Variants in TSPAN5 observed in about 807,000 individuals in gnomAD.
TSPAN5 encodes the protein tetraspanin 5.
A neutral mutation model predicts 37.1 loss-of-function variants in TSPAN5; 10 were observed. The ratio of observed to expected loss-of-function variants is 0.27; its 90% CI spans 0.17 to 0.46. The LOEUF (loss-of-function observed/expected upper bound fraction) is 0.46, where lower values mean the gene tolerates loss of function less well. Among genes scored for constraint, TSPAN5 ranks in the 20% least tolerant of loss-of-function variants. TSPAN5 has a pLI of 1.00. For synonymous variants in TSPAN5, 110 were observed against 118.9 expected (o/e 0.93, Z 0.48); for missense variants, 195 against 326.6 (o/e 0.60, Z 3.11).
chr4:98,595,742 G>A (rs1208219396), intron 1 of TSPAN5, among the ~76,000 whole-genome samples: 9 of 95,906 alleles, frequency 9.4e-5, no homozygotes, highest in Middle Eastern at 4.8e-3. Context: ...GTAGTTGAGC[G>A]GCTTTGAGTG....
At chr4:98,613,136 C>CTTT (rs11308204) in intron 1 of TSPAN5, among the ~76,000 whole-genome samples, 7 of 143,422 alleles carry the variant, frequency 4.9e-5, no homozygotes, top group African/African-American at 1.3e-4. Flanking sequence ...AGGGCAAAAC[C>CTTT]TTTTTTTTTT....
intron 1 of TSPAN5, among the ~76,000 whole-genome samples, chr4:98,579,549 A>G (rs1755323679): frequency 6.6e-6 from 1 of 152,180 alleles, no homozygotes; most frequent in Admixed American, 6.5e-5. Context: ...AAGTTTGACT[A>G]TTTTTTAACC....
rs181665699 is a variant in TSPAN5, at chr4:98,518,797, G to A, written c.82-11069C>T. Among the ~76,000 whole-genome samples, 579 of 152,306 alleles carry A rather than the reference G, an allele frequency of 3.8e-3. 1 individual carries two copies. The highest frequency in any genetic ancestry group is 6.9e-3 in the Non-Finnish European group (469 of 68,028). On this transcript the variant is annotated intron_variant, in intron 1 of 7. Transcript: ENST00000305798. Reference sequence around the variant, plus strand: ...ACTACATCAGAAACTCTGGGGGCAGGGCCCAGCAAGTTCTGTCTTCTTAAC... The same window carrying A: ...ACTACATCAGAAACTCTGGGGGCAGAGCCCAGCAAGTTCTGTCTTCTTAAC...
intron 1 of TSPAN5, among the ~76,000 whole-genome samples, chr4:98,591,683 AAAT>A (rs1755634927): frequency 8.0e-6 from 1 of 125,338 alleles, no homozygotes; most frequent in African/African-American, 3.1e-5. Context: ...GGGGTAAATA[AAAT>A]AATTATTAAC....
At chr4:98,592,428 G>GTTTTTTTTTTT (rs35941064) in intron 1 of TSPAN5, among the ~76,000 whole-genome samples, 2 of 119,102 alleles carry the variant, frequency 1.7e-5, no homozygotes, top group African/African-American at 3.2e-5. Flanking sequence ...TCTGTTTTTT[G>GTTTTTTTTTTT]TTTTTTTTTT....
chr4:98,563,586 C>T (rs1754924813), intron 1 of TSPAN5, among the ~76,000 whole-genome samples: 1 of 152,170 alleles, frequency 6.6e-6, no homozygotes, highest in South Asian at 2.1e-4. Context: ...ACACAGTTAA[C>T]AGTTCTCCTC....
chr4:98,518,835 T>A (rs1308682476), intron 1 of TSPAN5, among the ~76,000 whole-genome samples: 2 of 152,186 alleles, frequency 1.3e-5, no homozygotes, highest in African/African-American at 4.8e-5. Context: ...GCCCTGCAGG[T>A]AATTGTGACA....
rs559224946 is a variant in TSPAN5 at position 98,562,226 on chromosome 4, C to T, written c.82-54498G>A. Among the ~76,000 whole-genome samples, 55 of 152,246 alleles carry T rather than the reference C, an allele frequency of 3.6e-4. 1 individual carries two copies. Among genetic ancestry groups the T allele is most frequent in the African/African-American group, 1.3e-3 (53 of 41,548 alleles). ...ACAGTAAGGCCAGATTTGTGTTTTACAAGAGCATTCTAGTTGAAACATGCT... is the reference window on the plus strand; with the variant it reads ...ACAGTAAGGCCAGATTTGTGTTTTATAAGAGCATTCTAGTTGAAACATGCT... On this transcript the variant is annotated intron_variant, in intron 1 of 7. Coordinates refer to ENST00000305798, the MANE Select transcript of TSPAN5 (RefSeq NM_005723.4).
chr4:98,622,999 AT>A (rs1429106666), intron 1 of TSPAN5, among the ~76,000 whole-genome samples: 1 of 152,206 alleles, frequency 6.6e-6, no homozygotes, highest in Admixed American at 6.5e-5. Flanking sequence ...AATGGTCTAA[AT>A]TGTGACATTT....
chr4:98,584,399 G>A (rs1755441047), intron 1 of TSPAN5, among the ~76,000 whole-genome samples: 1 of 152,174 alleles, frequency 6.6e-6, no homozygotes, highest in Admixed American at 6.5e-5. Flanking sequence ...GTATTACTGA[G>A]GTCAGAGATT....
chr4:98,573,558 T>C (rs749241028), intron 1 of TSPAN5, among the ~76,000 whole-genome samples: 1 of 152,228 alleles, frequency 6.6e-6, no homozygotes, highest in Non-Finnish European at 1.5e-5. Flanking sequence ...TTTTAAATCA[T>C]AGTAACACTA....
At chr4:98,500,771 G>A (rs560837767) in intron 2 of TSPAN5, among the ~76,000 whole-genome samples, 1 of 152,260 alleles carries the variant, frequency 6.6e-6, no homozygotes, top group East Asian at 1.9e-4. Flanking sequence ...AACAGCTTCT[G>A]GGCATCCATT....
intron 1 of TSPAN5, among the ~76,000 whole-genome samples, chr4:98,607,041 G>C (rs1054360113): frequency 6.6e-6 from 1 of 152,058 alleles, no homozygotes; most frequent in Non-Finnish European, 1.5e-5. Flanking sequence ...GGGAGCAGCC[G>C]GGGGACCTGC....
intron 1 of TSPAN5, among the ~76,000 whole-genome samples, chr4:98,606,614 T>C (rs1461757170): frequency 6.6e-6 from 1 of 152,204 alleles, no homozygotes; most frequent in Non-Finnish European, 1.5e-5. Context: ...GGTTATAGTT[T>C]TCCAAAACGA....
chr4:98,544,031 T>A (rs1348158787), intron 1 of TSPAN5, among the ~76,000 whole-genome samples: 1 of 151,914 alleles, frequency 6.6e-6, no homozygotes, highest in East Asian at 1.9e-4. Flanking sequence ...TTTTTAAAAA[T>A]TAGCCAAGTG....
At chr4:98,563,844 T>C (rs1754931522) in intron 1 of TSPAN5, among the ~76,000 whole-genome samples, 1 of 152,066 alleles carries the variant, frequency 6.6e-6, no homozygotes, top group African/African-American at 2.4e-5. Flanking sequence ...GTCACCCTAT[T>C]GGGGAAGGGT....
chr4:98,499,721 C>T (rs112263914), intron 2 of TSPAN5, among the ~76,000 whole-genome samples: 2,096 of 133,804 alleles, frequency 0.016, 44 homozygotes, highest in East Asian at 0.047. Flanking sequence ...AGTGCAGTGG[C>T]GTGATCTGGG....
chr4:98,587,432 G>C (rs1755517080), intron 1 of TSPAN5, among the ~76,000 whole-genome samples: 1 of 152,164 alleles, frequency 6.6e-6, no homozygotes, highest in South Asian at 2.1e-4. Context: ...CTAATTATTA[G>C]CTTCTTCCTC....
At chr4:98,569,373 G>A (rs1212392667) in intron 1 of TSPAN5, among the ~76,000 whole-genome samples, 1 of 152,214 alleles carries the variant, frequency 6.6e-6, no homozygotes, top group Non-Finnish European at 1.5e-5. Flanking sequence ...CAGTTTCTAA[G>A]CCTTGGTCCT....
Sources: gnomAD v4.1 joint callset for allele counts (sites outside exome capture counted in the v4.1 genomes callset) on GRCh38, gnomAD v4.1.1 for gene constraint, MANE v1.5 for transcripts, NCBI Gene and HGNC (gene_info 2026-07-23, HGNC 2026-07-21) for gene names.